MITF: variants seen among roughly 807,000 people sequenced by gnomAD.
The protein encoded by MITF is melanocyte inducing transcription factor.
A neutral mutation model predicts 60.5 loss-of-function variants in MITF; 17 were observed. That is an observed-to-expected ratio of 0.28 (90% CI 0.19 to 0.42). The LOEUF (loss-of-function observed/expected upper bound fraction) is 0.42, where lower values mean the gene tolerates loss of function less well. Ranked by LOEUF, MITF falls within the 10% of genes least tolerant of loss-of-function variation. The pLI, the probability that MITF is intolerant of heterozygous loss-of-function variation, is 1.00. For missense variants in MITF, 622 were observed against 683.5 expected (o/e 0.91, Z 1.00); for synonymous variants, 260 against 248.5 (o/e 1.05, Z -0.43).
rs897463726 is a variant in MITF, at chr3:69,869,301, A to G, written c.105-9833A>G. On this transcript the variant is annotated intron_variant, in intron 1 of 9. Coordinates refer to ENST00000352241, the MANE Select transcript of MITF (RefSeq NM_001354604.2). ...GGTCATGAAGGACCAAGCACATACC[A>G]GTTTCATCCCTGAGTCTGGCCCTCA... Among the ~76,000 whole-genome samples the G allele has an allele frequency of 5.3e-5, 8 of 152,282 alleles. 1 individual carries two copies. Among genetic ancestry groups the G allele is most frequent in the Middle Eastern group, 6.8e-3 (2 of 294 alleles).
rs146544056 is a variant in MITF, at chr3:69,928,227, A to G, written c.355-9595A>G. Among the ~76,000 whole-genome samples the G allele has an allele frequency of 3.9e-3, 587 of 152,370 alleles. 7 individuals are homozygous for G. The highest frequency in any genetic ancestry group is 0.013 in the African/African-American group (548 of 41,592). On this transcript the variant is annotated intron_variant, in intron 2 of 9. Transcript: ENST00000352241. ...CATCTCCTTAGAAAAGTTCTTGAAA[A>G]GAGCCATTGCTGCATGGGCAACATG... is the stretch of plus-strand genomic sequence containing the variant.
At chr3:69,932,508 A>C (rs2065746032) in intron 2 of MITF, among the ~76,000 whole-genome samples, 1 of 152,178 alleles carries the variant, frequency 6.6e-6, no homozygotes, top group Non-Finnish European at 1.5e-5. Context: ...TGGGTTTGTC[A>C]ACCATAGCCA....
intron 1 of MITF, among the ~76,000 whole-genome samples, chr3:69,772,300 T>C (rs1290599297): frequency 6.6e-6 from 1 of 152,224 alleles, no homozygotes; most frequent in Admixed American, 6.5e-5. Context: ...CATTAAGTTA[T>C]AATTGAAGCT....
intron 1 of MITF, among the ~76,000 whole-genome samples, chr3:69,809,244 G>T (rs1021200375): frequency 6.6e-6 from 1 of 152,140 alleles, no homozygotes; most frequent in African/African-American, 2.4e-5. Context: ...GGGTGAATGT[G>T]GGGGAGAGTA....
chr3:69,772,992 T>C (rs914139136), intron 1 of MITF, among the ~76,000 whole-genome samples: 2 of 152,166 alleles, frequency 1.3e-5, no homozygotes, highest in Non-Finnish European at 2.9e-5. Context: ...TAAATGCTGG[T>C]AAGTGTTATA....
chr3:69,767,840 T>A (rs1012668537), intron 1 of MITF, among the ~76,000 whole-genome samples: 2 of 152,130 alleles, frequency 1.3e-5, no homozygotes, highest in Admixed American at 1.3e-4. Context: ...TTAGGATGGT[T>A]CCAGCTGAAC....
chr3:69,851,313 C>T (rs900778144), intron 1 of MITF, among the ~76,000 whole-genome samples: 3 of 151,892 alleles, frequency 2.0e-5, no homozygotes, highest in Non-Finnish European at 4.4e-5. Context: ...TAATTGTGAC[C>T]TTGGCTCAGT....
chr3:69,938,468 A>C (rs2065896704), intron 3 of MITF: 11 of 1,474,768 alleles, frequency 7.5e-6, no homozygotes, highest in Non-Finnish European at 9.9e-6. Flanking sequence ...AATGTCTGGA[A>C]TATTATTTTT....
chr3:69,853,507 G>A (rs894534652), intron 1 of MITF, among the ~76,000 whole-genome samples: 1 of 151,812 alleles, frequency 6.6e-6, no homozygotes, highest in Non-Finnish European at 1.5e-5. Context: ...TGTCCGTTTA[G>A]TAAAGACCAA....
chr3:69,940,678 C>G (rs1274871052), intron 4 of MITF, among the ~76,000 whole-genome samples: 2 of 152,160 alleles, frequency 1.3e-5, no homozygotes, highest in Non-Finnish European at 2.9e-5. Flanking sequence ...CCCTGTGGAA[C>G]ACTACAGACG....
chr3:69,817,986 A>T (rs1046937394), intron 1 of MITF, among the ~76,000 whole-genome samples: 2 of 152,192 alleles, frequency 1.3e-5, no homozygotes, highest in Non-Finnish European at 2.9e-5. Flanking sequence ...ACACATATGC[A>T]TTAGATATTG....
chr3:69,945,050 TA>T (rs1163105848), intron 5 of MITF, among the ~76,000 whole-genome samples: 1 of 152,140 alleles, frequency 6.6e-6, no homozygotes, highest in Non-Finnish European at 1.5e-5. Context: ...AATTGAAGTC[TA>T]GAAATAACTA....
At chr3:69,948,262 C>CTATAAA (rs1237084594) in intron 5 of MITF, among the ~76,000 whole-genome samples, 2 of 151,980 alleles carry the variant, frequency 1.3e-5, no homozygotes, top group Non-Finnish European at 2.9e-5. Context: ...AAAAACAGGC[C>CTATAAA]TATAAACTGC....
rs144757214 is a variant in MITF at position 69,956,545 on chromosome 3, G to A, written c.1031+15G>A. 75 of 1,594,208 alleles carry A rather than the reference G, an allele frequency of 4.7e-5. No individual in the cohort carries two copies. The Middle Eastern group carries it at 6.7e-4, about 14-fold the overall frequency. ...TCAAATGATCCGTGAGTACAATCGC[G>A]TGTTAATCTGCATCATATATTTTTC... On this transcript the variant is annotated intron_variant, in intron 8 of 9. Coordinates refer to ENST00000352241, the MANE Select transcript of MITF (RefSeq NM_001354604.2).
intron 2 of MITF, among the ~76,000 whole-genome samples, chr3:69,890,379 A>G (rs1219787001): frequency 1.3e-5 from 2 of 152,134 alleles, no homozygotes; most frequent in African/African-American, 4.8e-5. Context: ...TCAAACCTAC[A>G]CATATCACAC....
intron 1 of MITF, chr3:69,779,015 G>A (rs190740058): frequency 2.4e-4 from 37 of 152,250 alleles, no homozygotes; most frequent in African/African-American, 8.7e-4. Flanking sequence ...AACTACAGAA[G>A]GGAAATGTTT....
At chr3:69,884,762 G>T (rs955513985) in intron 2 of MITF, among the ~76,000 whole-genome samples, 20 of 152,166 alleles carry the variant, frequency 1.3e-4, no homozygotes, top group Non-Finnish European at 5.9e-5. Context: ...GTTGGACTTG[G>T]TTTTTCTGTC....
intron 2 of MITF, among the ~76,000 whole-genome samples, chr3:69,926,645 C>G (rs1387181660): frequency 6.6e-6 from 1 of 152,162 alleles, no homozygotes; most frequent in Admixed American, 6.6e-5. Context: ...ATGTGGAATG[C>G]TGCACTCGCA....
In MITF at chr3:69,894,215, A is replaced by C. The variant is rs1022397688; in HGVS notation, c.354+14832A>C. 1.2e-4 allele frequency among the ~76,000 whole-genome samples: 19 copies of C among 152,244 alleles called. 1 individual carries two copies. Among genetic ancestry groups the C allele is most frequent in the Admixed American group, 1.1e-3 (17 of 15,282 alleles). On this transcript the variant is annotated intron_variant, in intron 2 of 9. Coordinates refer to ENST00000352241, the MANE Select transcript of MITF (RefSeq NM_001354604.2). Reference sequence around the variant, plus strand: ...TCACAGCCTTTCGCCCCTAAGCCACAGGGCCTACATTGCAGAACCAGTCAA... The same window carrying C: ...TCACAGCCTTTCGCCCCTAAGCCACCGGGCCTACATTGCAGAACCAGTCAA...
Sources: gnomAD v4.1 joint callset for allele counts (sites outside exome capture counted in the v4.1 genomes callset) on GRCh38, gnomAD v4.1.1 for gene constraint, MANE v1.5 for transcripts, NCBI Gene and HGNC (gene_info 2026-07-23, HGNC 2026-07-21) for gene names.